BTG4: variants seen among roughly 807,000 people sequenced by gnomAD.
The protein encoded by BTG4 is BTG anti-proliferation factor 4.
Under a neutral mutation model 19.3 loss-of-function variants are expected in BTG4, and 10 were observed. The ratio of observed to expected loss-of-function variants is 0.52; its 90% CI spans 0.32 to 0.88. BTG4 has a LOEUF of 0.88. BTG4 is among the 40% of genes least tolerant of loss of function. The pLI, the probability that BTG4 is intolerant of heterozygous loss-of-function variation, is 0.04. For synonymous variants in BTG4, 91 were observed against 95.7 expected (o/e 0.95, Z 0.29); for missense variants, 238 against 281.9 (o/e 0.84, Z 1.11).
intron 1 of BTG4, among the ~76,000 whole-genome samples, chr11:111,508,257 T>A (rs1866603050): frequency 6.6e-6 from 1 of 152,196 alleles, no homozygotes; most frequent in South Asian, 2.1e-4. Context: ...TTCAGTCTCC[T>A]CTGTCTCTCC....
chr11:111,430,089 A>G, the BTG4 span, among the ~76,000 whole-genome samples: 1 of 152,238 alleles, frequency 6.6e-6, no homozygotes, highest in East Asian at 1.9e-4. Flanking sequence ...TTAACCCAAA[A>G]TATCGGAGAT....
At chr11:111,504,876 G>A (rs541958491) in intron 1 of BTG4, among the ~76,000 whole-genome samples, 13 of 151,826 alleles carry the variant, frequency 8.6e-5, no homozygotes, top group Non-Finnish European at 8.9e-5. Flanking sequence ...GGATAGCCAC[G>A]AAAAAGACCA....
At chr11:111,479,575 A>G (rs566919417) in intron 5 of BTG4, among the ~76,000 whole-genome samples, 2 of 152,288 alleles carry the variant, frequency 1.3e-5, no homozygotes, top group African/African-American at 4.8e-5. Context: ...ACAGGAAGTG[A>G]AATTATGGAT....
At chr11:111,426,362 T>C in the BTG4 span, among the ~76,000 whole-genome samples, 1 of 152,288 alleles carries the variant, frequency 6.6e-6, no homozygotes, top group African/African-American at 2.4e-5. Context: ...CTAGCACCCA[T>C]GGTTCTCTCT....
At chr11:111,506,174 T>A (rs1227140697) in intron 1 of BTG4, among the ~76,000 whole-genome samples, 1 of 152,120 alleles carries the variant, frequency 6.6e-6, no homozygotes, top group Non-Finnish European at 1.5e-5. Flanking sequence ...TACTTGTACT[T>A]GTGTGTTTAT....
At chr11:111,489,124 C>G (rs1865252537) in intron 5 of BTG4, among the ~76,000 whole-genome samples, 1 of 146,974 alleles carries the variant, frequency 6.8e-6, no homozygotes, top group African/African-American at 2.5e-5. Flanking sequence ...GCCTGGGCAA[C>G]AAGAGTGAAA....
downstream of BTG4, among the ~76,000 whole-genome samples, chr11:111,490,418 T>G (rs1002950882): frequency 7.2e-5 from 11 of 152,288 alleles, no homozygotes; most frequent in Admixed American, 7.2e-4. Flanking sequence ...TCACATGTAC[T>G]CCACATATAT....
chr11:111,420,812 C>A, the BTG4 span, among the ~76,000 whole-genome samples: 31,324 of 152,168 alleles, frequency 0.21, 3,612 homozygotes, highest in South Asian at 0.29. Flanking sequence ...AACTAACAGG[C>A]CTTACCCTCA....
At chr11:111,391,072 C>T in the BTG4 span, among the ~76,000 whole-genome samples, 11 of 152,268 alleles carry the variant, frequency 7.2e-5, no homozygotes, top group South Asian at 4.2e-4. Flanking sequence ...AGTATGTGCT[C>T]GATAAAGTCT....
intron 5 of BTG4, among the ~76,000 whole-genome samples, chr11:111,477,912 C>T (rs1591466602): frequency 6.6e-6 from 1 of 152,122 alleles, no homozygotes; most frequent in East Asian, 1.9e-4. Context: ...GTCTAGAGCT[C>T]CATCTTTGCC....
At chr11:111,498,237 T>A in intron 2 of BTG4, 102 bp from the exon 3 acceptor site, 1 of 1,330,980 alleles carries the variant, frequency 7.5e-7, no homozygotes, top group Non-Finnish European at 1.1e-6. Context: ...TCCCACCTCA[T>A]CCCCTCAGCC....
chr11:111,430,355 C>T, the BTG4 span, among the ~76,000 whole-genome samples: 2 of 152,212 alleles, frequency 1.3e-5, no homozygotes, highest in African/African-American at 4.8e-5. Flanking sequence ...CTTTTGAATC[C>T]TTGACTAGCC....
intron 5 of BTG4, among the ~76,000 whole-genome samples, chr11:111,476,859 G>A (rs947773783): frequency 4.6e-5 from 7 of 152,140 alleles, no homozygotes; most frequent in African/African-American, 1.7e-4. Flanking sequence ...AAGAAGGCAA[G>A]TCTTAGTTTG....
At chr11:111,497,483 C>T in intron 3 of BTG4, 74 bp from the exon 4 acceptor site, 1 of 978,402 alleles carries the variant, frequency 1.0e-6, no homozygotes, top group Non-Finnish European at 1.4e-6. Flanking sequence ...TTCCTGGAGA[C>T]AATATGCTAA....
At chr11:111,419,035 C>G in the BTG4 span, among the ~76,000 whole-genome samples, 2 of 152,184 alleles carry the variant, frequency 1.3e-5, no homozygotes, top group African/African-American at 2.4e-5. Context: ...TCCCTCTATA[C>G]CTATCTGTGT....
At chr11:111,456,061 AAAG>A in the BTG4 span, among the ~76,000 whole-genome samples, 16 of 152,360 alleles carry the variant, frequency 1.1e-4, no homozygotes, top group Admixed American at 6.5e-4. The surrounding 1 kb of genome is among the most constrained non-coding windows in gnomAD (Gnocchi z 4.2). Context: ...TGCCTGCCCA[AAAG>A]AAGAAGGAGC....
intron 1 of BTG4, among the ~76,000 whole-genome samples, chr11:111,505,848 A>G (rs1055333373): frequency 6.6e-6 from 1 of 152,192 alleles, no homozygotes; most frequent in Non-Finnish European, 1.5e-5. Flanking sequence ...GAAGAAATAC[A>G]AACAGCTAAC....
chr11:111,448,799 G>C, the BTG4 span: 1 of 152,234 alleles, frequency 6.6e-6, no homozygotes, highest in African/African-American at 2.4e-5. Flanking sequence ...GGATAGGGTT[G>C]CCAGATAAAA....
At chr11:111,385,034 G>A in the BTG4 span, 1 of 151,912 alleles carries the variant, frequency 6.6e-6, no homozygotes, top group Non-Finnish European at 1.5e-5. Context: ...AAACATAAAA[G>A]TGGATCTGAA....
Sources: gnomAD v4.1 joint callset for allele counts (sites outside exome capture counted in the v4.1 genomes callset) on GRCh38, gnomAD v4.1.1 for gene constraint, Gnocchi (gnomAD v3.1) non-coding constraint, MANE v1.5 for transcripts, NCBI Gene and HGNC (gene_info 2026-07-23, HGNC 2026-07-21) for gene names.